The following PALLD variants were observed in gnomAD, a reference collection of about 807,000 sequenced individuals.
PALLD encodes the protein palladin, cytoskeletal associated protein.
A neutral mutation model predicts 123.5 loss-of-function variants in PALLD; 61 were observed. The ratio of observed to expected loss-of-function variants is 0.49; its 90% CI spans 0.40 to 0.61. PALLD has a LOEUF of 0.61. PALLD is among the 20% of genes least tolerant of loss of function. PALLD has a pLI of 0.00. For synonymous variants in PALLD, 465 were observed against 496.4 expected, an observed-to-expected ratio of 0.94 and a Z score of 0.84; for missense variants, 1,273 against 1,377.0, an observed-to-expected ratio of 0.92 and a Z score of 1.20.
chr4:168,825,348 C>T (rs2150817196), intron 10 of PALLD, among the ~76,000 whole-genome samples: 1 of 152,218 alleles, frequency 6.6e-6, no homozygotes, highest in East Asian at 1.9e-4. Flanking sequence ...ATATATACTG[C>T]AAAATAATCT....
chr4:168,843,423 A>G (rs915707645), intron 10 of PALLD, among the ~76,000 whole-genome samples: 10 of 152,194 alleles, frequency 6.6e-5, no homozygotes, highest in Admixed American at 6.5e-5. Flanking sequence ...ATGATTTCAG[A>G]TAGTTCTTGG....
intron 2 of PALLD, among the ~76,000 whole-genome samples, chr4:168,623,238 T>C (rs1263735358): frequency 6.6e-6 from 1 of 152,194 alleles, no homozygotes; most frequent in Non-Finnish European, 1.5e-5. Context: ...AGAGATCACA[T>C]GTCAGGCTGC....
intron 2 of PALLD, among the ~76,000 whole-genome samples, chr4:168,565,231 A>C (rs972682157): frequency 2.6e-5 from 4 of 152,120 alleles, no homozygotes; most frequent in African/African-American, 9.7e-5. Flanking sequence ...CCACCAACAA[A>C]AGCAACTATT....
rs1349654555 is a variant in PALLD at position 168,711,846 on chromosome 4, TA to T, written c.1889del (p.Asn630IlefsTer26). On this transcript the variant is annotated frameshift_variant, in exon 10 of 22. Transcript: ENST00000505667. LOFTEE classifies it high-confidence loss of function. ...GACTGATTAACGGCAAAGCTAACAG[TA>T]ATAAATCTCTTCCAACACCAGCTGT... ...NGLINGKANS[N>X]KSLPTPAVLL... 6.2e-7 allele frequency: 1 copy of T among 1,614,080 alleles called. No homozygotes were observed. The highest frequency in any genetic ancestry group is 1.3e-5 in the African/African-American group (1 of 75,020).
At chr4:168,661,744 T>C (rs530264525) in intron 2 of PALLD, among the ~76,000 whole-genome samples, 11 of 152,354 alleles carry the variant, frequency 7.2e-5, no homozygotes, top group South Asian at 4.1e-4. Context: ...TATCCATAGA[T>C]ACATGTTTTG....
chr4:168,559,669 G>A (rs1159175690), intron 2 of PALLD, among the ~76,000 whole-genome samples: 1 of 152,062 alleles, frequency 6.6e-6, no homozygotes, highest in Non-Finnish European at 1.5e-5. Flanking sequence ...GGCCGAGGTG[G>A]GTGGATTGCT....
At chr4:168,883,659 A>G (rs1752937882) in intron 10 of PALLD, among the ~76,000 whole-genome samples, 1 of 152,204 alleles carries the variant, frequency 6.6e-6, no homozygotes, top group African/African-American at 2.4e-5. Flanking sequence ...GGAAAATTTT[A>G]CCTTCCAGAT....
At chr4:168,546,528 G>A (rs1305105920) in intron 2 of PALLD, among the ~76,000 whole-genome samples, 2 of 152,050 alleles carry the variant, frequency 1.3e-5, no homozygotes, top group South Asian at 2.1e-4. Context: ...GCAAGATGCT[G>A]GGATTTGAAC....
intron 10 of PALLD, among the ~76,000 whole-genome samples, chr4:168,735,251 C>A (rs148429780): frequency 6.6e-6 from 1 of 152,260 alleles, no homozygotes; most frequent in Non-Finnish European, 1.5e-5. Flanking sequence ...TGTCCCCTGC[C>A]CTCACTGCTC....
At chr4:168,704,361 C>A (rs1480100072) in intron 8 of PALLD, among the ~76,000 whole-genome samples, 3 of 152,130 alleles carry the variant, frequency 2.0e-5, no homozygotes, top group African/African-American at 7.2e-5. Flanking sequence ...AACCATATAC[C>A]TGTTTGTACC....
intron 2 of PALLD, among the ~76,000 whole-genome samples, chr4:168,617,373 C>T (rs1251565962): frequency 6.6e-6 from 1 of 152,136 alleles, no homozygotes; most frequent in African/African-American, 2.4e-5. Flanking sequence ...AATCCTAGAA[C>T]CTGCCTGGTA....
chr4:168,900,319 A>G (rs1362682078), intron 14 of PALLD, among the ~76,000 whole-genome samples: 1 of 152,210 alleles, frequency 6.6e-6, no homozygotes, highest in Non-Finnish European at 1.5e-5. Flanking sequence ...AAGAAACAGA[A>G]AAACAGAAGG....
chr4:168,591,436 G>A (rs1457733552), intron 2 of PALLD, among the ~76,000 whole-genome samples: 2 of 152,176 alleles, frequency 1.3e-5, no homozygotes, highest in Admixed American at 6.5e-5. Flanking sequence ...AGTTTACGAA[G>A]AGGAGATCAT....
chr4:168,909,915 G>T (rs751078887), intron 15 of PALLD, among the ~76,000 whole-genome samples: 2 of 152,020 alleles, frequency 1.3e-5, no homozygotes, highest in Non-Finnish European at 2.9e-5. Context: ...TCTTAGTTTG[G>T]ATGCTCTCTA....
intron 10 of PALLD, among the ~76,000 whole-genome samples, chr4:168,862,455 A>T (rs1365801263): frequency 6.6e-6 from 1 of 152,154 alleles, no homozygotes; most frequent in Admixed American, 6.5e-5. Flanking sequence ...CCAAGAAAAA[A>T]GTTTTATTAT....
chr4:168,742,577 C>T (rs921044672), intron 10 of PALLD, among the ~76,000 whole-genome samples: 5 of 152,122 alleles, frequency 3.3e-5, no homozygotes, highest in East Asian at 1.9e-4. Context: ...ATGAACATAC[C>T]GGACTCAGGA....
At chr4:168,813,149 T>G (rs1033552059) in intron 10 of PALLD, among the ~76,000 whole-genome samples, 2 of 152,166 alleles carry the variant, frequency 1.3e-5, no homozygotes, top group African/African-American at 4.8e-5. Context: ...TACCACATGT[T>G]TAATGACCGA....
intron 10 of PALLD, among the ~76,000 whole-genome samples, chr4:168,800,465 C>G (rs187975382): frequency 2.0e-5 from 3 of 152,260 alleles, no homozygotes; most frequent in Admixed American, 1.3e-4. Flanking sequence ...AGAACAGCCA[C>G]TTCACCAAAG....
intron 10 of PALLD, among the ~76,000 whole-genome samples, chr4:168,872,073 C>T (rs917429152): frequency 5.9e-5 from 9 of 152,198 alleles, no homozygotes; most frequent in East Asian, 1.9e-4. Flanking sequence ...ACCTCTCATT[C>T]CTATTCTTCA....
Sources: allele counts gnomAD v4.1 joint callset (sites outside exome capture counted in the v4.1 genomes callset), GRCh38; gene constraint gnomAD v4.1.1; transcripts MANE v1.5; gene names NCBI Gene and HGNC (gene_info 2026-07-23, HGNC 2026-07-21).